PLCB4: variants seen among roughly 807,000 people sequenced by gnomAD.
The protein encoded by PLCB4 is 1-phosphatidylinositol 4,5-bisphosphate phosphodiesterase beta-4.
PLCB4 carries 77 observed loss-of-function variants against 178.8 expected under a neutral mutation model. That is an observed-to-expected ratio of 0.43 (90% CI 0.36 to 0.52). The LOEUF (loss-of-function observed/expected upper bound fraction) is 0.52, where lower values mean the gene tolerates loss of function less well. PLCB4 is among the 20% of genes least tolerant of loss of function. The pLI is 0.00. For synonymous variants in PLCB4, 496 were observed against 490.8 expected, an observed-to-expected ratio of 1.01 and a Z score of -0.14; for missense variants, 1,024 against 1,453.4, an observed-to-expected ratio of 0.70 and a Z score of 4.80.
intron 25 of PLCB4, among the ~76,000 whole-genome samples, chr20:9,414,714 A>G (rs971404727): frequency 1.3e-5 from 2 of 152,200 alleles, no homozygotes; most frequent in African/African-American, 2.4e-5. Context: ...ATAAGTGTGA[A>G]TGTTACCAGG....
chr20:9,449,205 C>T (rs2042598659), intron 32 of PLCB4, among the ~76,000 whole-genome samples: 1 of 152,148 alleles, frequency 6.6e-6, no homozygotes, highest in African/African-American at 2.4e-5. Context: ...GCACATGACT[C>T]ATTGGGATCC....
intron 2 of PLCB4, among the ~76,000 whole-genome samples, chr20:9,206,299 C>CTTTTTTTTTTTTTTT (rs71184138): frequency 7.0e-4 from 67 of 96,076 alleles, no homozygotes; most frequent in Non-Finnish European, 7.4e-4. Context: ...TTTCTTTTTT[C>CTTTTTTTTTTTTTTT]TTTTTTTTTT....
At chr20:9,428,439 A>G (rs1043013091) in intron 28 of PLCB4, among the ~76,000 whole-genome samples, 7 of 152,196 alleles carry the variant, frequency 4.6e-5, no homozygotes, top group Non-Finnish European at 1.0e-4. Context: ...TATCTATTGC[A>G]TGGCTCCTGG....
At chr20:9,405,544 T>A (rs540888806) in intron 21 of PLCB4, among the ~76,000 whole-genome samples, 196 bp downstream of exon 21, 47 of 152,298 alleles carry the variant, frequency 3.1e-4, no homozygotes, top group African/African-American at 1.1e-3. Context: ...AATTAGAGAT[T>A]TCATTCCTGC....
chr20:9,093,722 A>G (rs2090784399), intron 1 of PLCB4, among the ~76,000 whole-genome samples: 1 of 151,660 alleles, frequency 6.6e-6, no homozygotes, highest in Non-Finnish European at 1.5e-5. Context: ...CCAAACCATG[A>G]CATAAATCCT....
chr20:9,328,893 T>C (rs558017421), intron 4 of PLCB4, among the ~76,000 whole-genome samples: 51 of 152,298 alleles, frequency 3.3e-4, no homozygotes, highest in African/African-American at 1.2e-3. Context: ...AAAGGGCTCC[T>C]GGAGAAAATG....
intron 2 of PLCB4, among the ~76,000 whole-genome samples, chr20:9,113,957 T>C (rs747059972): frequency 6.6e-6 from 1 of 152,174 alleles, no homozygotes; most frequent in African/African-American, 2.4e-5. Flanking sequence ...CTCACGCCTG[T>C]AATCCCAGCA....
intron 2 of PLCB4, among the ~76,000 whole-genome samples, chr20:9,104,218 G>A (rs770046741): frequency 4.6e-5 from 7 of 152,276 alleles, no homozygotes; most frequent in East Asian, 3.9e-4. Context: ...AGGGATTTCC[G>A]TCATCACCAT....
At chr20:9,343,925 G>A (rs115346547) in intron 7 of PLCB4, among the ~76,000 whole-genome samples, 146 of 152,282 alleles carry the variant, frequency 9.6e-4, no homozygotes, top group African/African-American at 3.4e-3. Context: ...ACGTCATCAC[G>A]ACACAGTGGC....
intron 7 of PLCB4, among the ~76,000 whole-genome samples, chr20:9,357,566 G>A (rs1416212059): frequency 6.6e-6 from 1 of 152,162 alleles, no homozygotes; most frequent in Admixed American, 6.5e-5. Context: ...ACCCTCTAAG[G>A]TGATGGCATT....
intron 2 of PLCB4, among the ~76,000 whole-genome samples, chr20:9,117,444 G>A (rs926130577): frequency 6.6e-6 from 1 of 152,124 alleles, no homozygotes; most frequent in African/African-American, 2.4e-5. Context: ...GATGGAAATC[G>A]CACCTGGAAT....
chr20:9,445,855 T>C (rs1051851353), intron 32 of PLCB4, among the ~76,000 whole-genome samples: 10 of 152,216 alleles, frequency 6.6e-5, no homozygotes, highest in African/African-American at 2.4e-4. Context: ...ACTTTAATTA[T>C]TTGGAATAGA....
intron 35 of PLCB4, among the ~76,000 whole-genome samples, chr20:9,466,754 G>A (rs2043812667): frequency 6.6e-6 from 1 of 152,166 alleles, no homozygotes; most frequent in Admixed American, 6.5e-5. Context: ...AGTTAGAATG[G>A]CGATCATTAA....
At chr20:9,111,760 T>A (rs1392322830) in intron 2 of PLCB4, among the ~76,000 whole-genome samples, 1 of 152,224 alleles carries the variant, frequency 6.6e-6, no homozygotes, top group Non-Finnish European at 1.5e-5. Context: ...ATTTATTGTA[T>A]TATAAAAATA....
chr20:9,106,578 T>A (rs1455916322), intron 2 of PLCB4, among the ~76,000 whole-genome samples: 1 of 151,796 alleles, frequency 6.6e-6, no homozygotes, highest in Non-Finnish European at 1.5e-5. Context: ...TCATCAGACA[T>A]AAAATTAACT....
At position 9,473,984 on chromosome 20, in the gene PLCB4, C is replaced by T. The variant is rs369629213; in HGVS notation, c.3495+619C>T. On this transcript the variant is annotated intron_variant, in intron 38 of 39. Coordinates refer to ENST00000378473, the MANE Select transcript of PLCB4 (RefSeq NM_001377142.1). ...CTGTAATCCCAGCACTTTGAGAGGC[C>T]GAGGAGGGTGGATCAGGAGGTCAGG... 1.6e-4 allele frequency among the ~76,000 whole-genome samples: 25 copies of T among 152,146 alleles called. No individual in the cohort carries two copies. In the East Asian group the frequency reaches 1.7e-3, roughly 11 times the overall value.
chr20:9,200,459 G>A (rs184563796), intron 2 of PLCB4, among the ~76,000 whole-genome samples: 17 of 152,212 alleles, frequency 1.1e-4, no homozygotes, highest in Non-Finnish European at 1.5e-4. Context: ...TTGCCCTGCC[G>A]TAGTCAGTTC....
chr20:9,413,323 A>T (rs945693556), intron 25 of PLCB4, among the ~76,000 whole-genome samples: 1 of 152,076 alleles, frequency 6.6e-6, no homozygotes, highest in South Asian at 2.1e-4. Flanking sequence ...TATAAAAAAA[A>T]TCCTGACGGC....
intron 2 of PLCB4, among the ~76,000 whole-genome samples, chr20:9,188,093 A>G (rs2093352382): frequency 6.6e-6 from 1 of 152,230 alleles, no homozygotes; most frequent in Non-Finnish European, 1.5e-5. Context: ...TTGATCAGAC[A>G]CAAGTCCCTG....
Sources: gnomAD v4.1 joint callset for allele counts (sites outside exome capture counted in the v4.1 genomes callset) on GRCh38, gnomAD v4.1.1 for gene constraint, MANE v1.5 for transcripts, NCBI Gene and HGNC (gene_info 2026-07-23, HGNC 2026-07-21) for gene names.